SHISA6: variants seen among roughly 807,000 people sequenced by gnomAD.
SHISA6 encodes the protein shisa family member 6, also known as protein shisa-6.
SHISA6 carries 22 observed loss-of-function variants against 47.9 expected under a neutral mutation model. The observed-to-expected ratio is 0.46, with a 90% confidence interval of 0.33 to 0.66. SHISA6 has a LOEUF of 0.66. Ranked by LOEUF, SHISA6 falls within the 30% of genes least tolerant of loss-of-function variation. The pLI is 0.02. For missense variants in SHISA6, 680 were observed against 764.6 expected (o/e 0.89, Z 1.30); for synonymous variants, 388 against 337.8 (o/e 1.15, Z -1.63).
At chr17:11,326,067 G>A (rs1053888434) in intron 2 of SHISA6, among the ~76,000 whole-genome samples, 8 of 152,090 alleles carry the variant, frequency 5.3e-5, no homozygotes, top group African/African-American at 1.2e-4. Context: ...TCAGGAGATC[G>A]TTAGCCATCC....
At chr17:11,305,081 T>C (rs1005867570) in intron 2 of SHISA6, among the ~76,000 whole-genome samples, 2 of 152,202 alleles carry the variant, frequency 1.3e-5, no homozygotes, top group Middle Eastern at 3.2e-3. Flanking sequence ...ATGCGTCACA[T>C]CTCATCCCTG....
chr17:11,359,939 C>T (rs1912206092), intron 2 of SHISA6, among the ~76,000 whole-genome samples: 1 of 152,142 alleles, frequency 6.6e-6, no homozygotes, highest in Non-Finnish European at 1.5e-5. Flanking sequence ...CCAAAAATAC[C>T]ATTTGACCCA....
Position 11,242,018 on chromosome 17 carries a change from A to G in SHISA6, c.596A>G (p.Tyr199Cys). The G allele has an allele frequency of 1.9e-6, 3 of 1,550,984 alleles. No homozygotes were observed. The highest frequency in any genetic ancestry group is 2.6e-6 in the Non-Finnish European group (3 of 1,146,986). The stretch of plus-strand genomic sequence containing the variant: ...GCCGGCGTCTTCGCCAAGGTCTCCT[A>G]CGACAAGGCCCACCGCCCTCCACGG... ...IVAGVFAKVS[Y>C]DKAHRPPREM... The change falls in exon 1 of 6, where the codon TAC (tyrosine) becomes TGC (cysteine). Residue 199 changes from tyrosine to cysteine, a missense_variant. Transcript: ENST00000441885.
intron 3 of SHISA6, among the ~76,000 whole-genome samples, chr17:11,443,643 G>A (rs1370080416): frequency 6.6e-6 from 1 of 152,168 alleles, no homozygotes; most frequent in African/African-American, 2.4e-5. Flanking sequence ...CTATCATTGT[G>A]AGGATTGAAA....
Position 11,520,915 on chromosome 17 carries a change from C to T in SHISA6, c.896-30981C>T, listed in dbSNP as rs1010283231. ...TTATTATTGCCTATCTCTTCCAATACATTCTTAACACCATGAGTACAAGAA... is the reference window on the plus strand; with the variant it reads ...TTATTATTGCCTATCTCTTCCAATATATTCTTAACACCATGAGTACAAGAA... On this transcript the variant is annotated intron_variant, in intron 3 of 5. Transcript: ENST00000441885. Among the ~76,000 whole-genome samples, 9 of 152,334 alleles carry T rather than the reference C, an allele frequency of 5.9e-5. No homozygotes were observed. In the South Asian group the frequency reaches 1.4e-3, roughly 25 times the overall value.
intron 2 of SHISA6, among the ~76,000 whole-genome samples, chr17:11,330,751 A>G (rs941886266): frequency 6.6e-6 from 1 of 152,094 alleles, no homozygotes; most frequent in African/African-American, 2.4e-5. Flanking sequence ...AAATGTAAGT[A>G]TCTAGATGTT....
At chr17:11,464,855 T>TG (rs1915771499) in intron 3 of SHISA6, among the ~76,000 whole-genome samples, 1 of 151,548 alleles carries the variant, frequency 6.6e-6, no homozygotes, top group Non-Finnish European at 1.5e-5. Flanking sequence ...GGCAGAAGAA[T>TG]TGCTTGAACC....
intron 3 of SHISA6, among the ~76,000 whole-genome samples, chr17:11,541,854 A>T (rs1320404751): frequency 6.6e-6 from 1 of 152,154 alleles, no homozygotes; most frequent in Non-Finnish European, 1.5e-5. Flanking sequence ...AAGCTAGAGG[A>T]TGATTGGGGA....
chr17:11,425,450 T>G (rs1292919099), intron 3 of SHISA6, among the ~76,000 whole-genome samples: 1 of 152,142 alleles, frequency 6.6e-6, no homozygotes, highest in Non-Finnish European at 1.5e-5. Flanking sequence ...CAGTAGTCAT[T>G]CTACCATATC....
intron 3 of SHISA6, among the ~76,000 whole-genome samples, chr17:11,462,324 G>A (rs535270571): frequency 6.6e-6 from 1 of 152,262 alleles, no homozygotes; most frequent in South Asian, 2.1e-4. Flanking sequence ...TTCTCCCCAA[G>A]GTGGGCAAAG....
intron 2 of SHISA6, among the ~76,000 whole-genome samples, chr17:11,298,452 T>C (rs1320316328): frequency 6.6e-6 from 1 of 152,192 alleles, no homozygotes; most frequent in Non-Finnish European, 1.5e-5. Flanking sequence ...TTTAGGGTGT[T>C]CCAGGTGAGT....
chr17:11,256,812 G>A (rs1425882340), intron 1 of SHISA6, among the ~76,000 whole-genome samples: 1 of 152,248 alleles, frequency 6.6e-6, no homozygotes, highest in African/African-American at 2.4e-5. Context: ...AACGGAGTAT[G>A]TGAAGATGAT....
At chr17:11,520,682 A>G (rs1327993355) in intron 3 of SHISA6, among the ~76,000 whole-genome samples, 3 of 151,844 alleles carry the variant, frequency 2.0e-5, no homozygotes, top group Non-Finnish European at 4.4e-5. Context: ...CCATGCACAC[A>G]TTTCCCTCTC....
In SHISA6 at chr17:11,407,799, T is replaced by TC. The variant is rs537452163; in HGVS notation, c.895+28291dup. On this transcript the variant is annotated intron_variant, in intron 3 of 5. Coordinates refer to ENST00000441885, the MANE Select transcript of SHISA6 (RefSeq NM_207386.4). ...GAAACCTAAGATCCCTCCTGTGCTC[T>TC]CTGGGGATGTGGTCCAACCCCTTGG... is the stretch of plus-strand genomic sequence containing the variant. Among the ~76,000 whole-genome samples the TC allele has an allele frequency of 9.3e-4, 142 of 152,260 alleles. 1 individual carries two copies. The highest frequency in any genetic ancestry group is 3.4e-3 in the Middle Eastern group (1 of 292).
At chr17:11,405,080 TA>T (rs1006926119) in intron 3 of SHISA6, among the ~76,000 whole-genome samples, 1 of 151,992 alleles carries the variant, frequency 6.6e-6, no homozygotes, top group South Asian at 2.1e-4. Flanking sequence ...CAGCAAAACT[TA>T]AAAAAAATAT....
chr17:11,432,598 A>G (rs1914812939), intron 3 of SHISA6, among the ~76,000 whole-genome samples: 1 of 152,234 alleles, frequency 6.6e-6, no homozygotes, highest in African/African-American at 2.4e-5. Flanking sequence ...GGGAGGACAT[A>G]GAATAACTCA....
chr17:11,557,853 A>G lies in SHISA6; in HGVS notation c.1205A>G (p.Gln402Arg). The G allele has an allele frequency of 6.4e-7, 1 of 1,551,426 alleles. No individual in the cohort carries two copies. The highest frequency in any genetic ancestry group is 8.7e-7 in the Non-Finnish European group (1 of 1,147,000). ...CTCAATGTCATCCAGATGTCCCAAC[A>G]GAAGCCGTTGCCAAGGGAACGACCC... ...LPLNVIQMSQ[Q>R]KPLPRERPRR... The change falls in exon 6 of 6, where the codon CAG becomes CGG. Residue 402 changes from glutamine (Q) to arginine (R), a missense_variant. Transcript: ENST00000441885.
intron 3 of SHISA6, among the ~76,000 whole-genome samples, chr17:11,464,954 A>AAC (rs1161703358): frequency 3.5e-5 from 5 of 144,040 alleles, no homozygotes; most frequent in Non-Finnish European, 7.7e-5. Context: ...AAAAAAAAAA[A>AAC]CCCTTTTATA....
chr17:11,428,951 A>AT (rs1914675248), intron 3 of SHISA6, among the ~76,000 whole-genome samples: 1 of 150,746 alleles, frequency 6.6e-6, no homozygotes. Context: ...CGCCCGGTTA[A>AT]TTTTTTGTAT....
Sources: allele counts gnomAD v4.1 joint callset (sites outside exome capture counted in the v4.1 genomes callset), GRCh38; gene constraint gnomAD v4.1.1; transcripts MANE v1.5; gene names NCBI Gene and HGNC (gene_info 2026-07-23, HGNC 2026-07-21).